The following NCKAP5 variants were observed in gnomAD, a reference collection of about 807,000 sequenced individuals.
The protein encoded by NCKAP5 is NCK associated protein 5.
Under a neutral mutation model 167.0 loss-of-function variants are expected in NCKAP5, and 92 were observed. The ratio of observed to expected loss-of-function variants is 0.55; its 90% CI spans 0.47 to 0.66. NCKAP5 has a LOEUF of 0.66. Among genes scored for constraint, NCKAP5 ranks in the 30% least tolerant of loss-of-function variants. The pLI is 0.00. For synonymous variants in NCKAP5, 891 were observed against 877.4 expected (o/e 1.02, Z -0.27); for missense variants, 2,378 against 2,315.0 (o/e 1.03, Z -0.56).
chr2:133,422,065 T>A (rs529086930), intron 3 of NCKAP5, among the ~76,000 whole-genome samples: 14 of 152,348 alleles, frequency 9.2e-5, no homozygotes, highest in South Asian at 8.3e-4. Flanking sequence ...ATGTGGTATG[T>A]GCTATTGTGC....
chr2:133,644,757 T>A, the NCKAP5 span, among the ~76,000 whole-genome samples: 5 of 152,184 alleles, frequency 3.3e-5, no homozygotes, highest in African/African-American at 4.8e-5. Context: ...ATTTACAATT[T>A]TTTTTCTCCT....
At chr2:132,762,843 G>A (rs971192906) in intron 16 of NCKAP5, among the ~76,000 whole-genome samples, 3 of 152,154 alleles carry the variant, frequency 2.0e-5, no homozygotes, top group Non-Finnish European at 2.9e-5. Context: ...GTGCCTTTCC[G>A]GAGATCACCT....
intron 4 of NCKAP5, among the ~76,000 whole-genome samples, chr2:133,240,473 G>T (rs975696439): frequency 2.6e-5 from 4 of 152,098 alleles, no homozygotes; most frequent in African/African-American, 9.7e-5. Context: ...CCCCAAAGTA[G>T]CTGCATAACT....
At position 132,732,011 on chromosome 2, in the gene NCKAP5, T is replaced by TCCGA; in HGVS notation, c.5165_5168dup (p.Thr1724ArgfsTer27). On this transcript the variant is annotated frameshift_variant, in exon 17 of 20. Transcript: ENST00000409261. LOFTEE classifies it high-confidence loss of function. Reference sequence around the variant, plus strand: ...TTCCCGAGTCTGGGAGTGGAAAGGTTCCGATCCCACTGTCCAATGTTCTCA... The same window carrying TCCGA: ...TTCCCGAGTCTGGGAGTGGAAAGGTTCCGACCGATCCCACTGTCCAATGTTCTCA... The TCCGA allele has an allele frequency of 6.2e-7, 1 of 1,613,714 alleles. No homozygotes were observed.
At chr2:133,664,014 T>C in the NCKAP5 span, among the ~76,000 whole-genome samples, 2 of 152,216 alleles carry the variant, frequency 1.3e-5, no homozygotes, top group Non-Finnish European at 2.9e-5. Flanking sequence ...GACTAGAAAG[T>C]TTAAATTACT....
At position 133,567,713 on chromosome 2, in the gene NCKAP5, T is replaced by C. The variant is rs138069083; in HGVS notation, c.-130+503A>G. 2.3e-3 allele frequency among the ~76,000 whole-genome samples: 259 copies of C among 114,692 alleles called. 8 individuals are homozygous for C. The East Asian group carries it at 0.056, about 25-fold the overall frequency. The allele number at this position is 114,692 out of a possible 152,430, so 75.2% of individuals were successfully genotyped here. A position where few individuals can be genotyped will look rare whatever the true frequency, so the allele number is the denominator to read the frequency against. ...TGTGTGTGTGTGTTTGGGGAGAGAG[T>C]GTAGGTAGGAGGGGACGAGAGACCA... On this transcript the variant is annotated intron_variant, in intron 1 of 19. Coordinates refer to ENST00000409261, the MANE Select transcript of NCKAP5 (RefSeq NM_207363.3).
rs1241990883 is a variant in NCKAP5, at chr2:133,526,086, AT to A, written c.-61-8500del. The stretch of plus-strand genomic sequence containing the variant: ...ATTAAGTAATATATATTCTATACCT[AT>A]TTTGTCCCAGGCCCTGTGTTAGGCC... On this transcript the variant is annotated intron_variant, in intron 2 of 19. Transcript: ENST00000409261. Among the ~76,000 whole-genome samples the A allele has an allele frequency of 2.0e-5, 3 of 151,750 alleles. No homozygotes were observed. In the East Asian group the frequency reaches 5.8e-4, roughly 29 times the overall value.
At chr2:132,816,921 A>C in intron 11 of NCKAP5, among the ~76,000 whole-genome samples, 1 of 152,212 alleles carries the variant, frequency 6.6e-6, no homozygotes, top group East Asian at 1.9e-4. Flanking sequence ...CAAAGATACA[A>C]ATAAATAAGA....
chr2:133,625,884 A>AG, the NCKAP5 span, among the ~76,000 whole-genome samples: 1 of 152,022 alleles, frequency 6.6e-6, no homozygotes, highest in African/African-American at 2.4e-5. Flanking sequence ...AAAAAAAAAA[A>AG]AAAGAATAAT....
chr2:132,959,654 G>T (rs2076452540), intron 8 of NCKAP5, among the ~76,000 whole-genome samples: 1 of 152,202 alleles, frequency 6.6e-6, no homozygotes, highest in Non-Finnish European at 1.5e-5. Context: ...ATGCCCAGGA[G>T]TAGGGAACAG....
intron 3 of NCKAP5, among the ~76,000 whole-genome samples, chr2:133,515,004 T>G (rs1385829305): frequency 6.6e-6 from 1 of 152,190 alleles, no homozygotes; most frequent in African/African-American, 2.4e-5. Context: ...TGTTGTTTTC[T>G]TGTATTTCAC....
At chr2:133,264,611 T>C (rs1165167096) in intron 4 of NCKAP5, among the ~76,000 whole-genome samples, 1 of 152,162 alleles carries the variant, frequency 6.6e-6, no homozygotes, top group Non-Finnish European at 1.5e-5. Context: ...CAAAGTAATG[T>C]CCATAGGCAA....
chr2:132,993,384 C>G (rs1358829201), intron 7 of NCKAP5, among the ~76,000 whole-genome samples: 1 of 152,162 alleles, frequency 6.6e-6, no homozygotes, highest in African/African-American at 2.4e-5. Flanking sequence ...GGACCATACT[C>G]AGATTAGATG....
At chr2:133,442,383 T>C (rs1465407847) in intron 3 of NCKAP5, among the ~76,000 whole-genome samples, 1 of 152,198 alleles carries the variant, frequency 6.6e-6, no homozygotes, top group African/African-American at 2.4e-5. Context: ...TGTGAGTCAT[T>C]GCTGAGACCC....
At chr2:132,988,334 C>T (rs183098356) in intron 7 of NCKAP5, among the ~76,000 whole-genome samples, 92 of 151,976 alleles carry the variant, frequency 6.1e-4, no homozygotes, top group Middle Eastern at 3.4e-3. Flanking sequence ...TGGTGGCACA[C>T]GACTGTAGGC....
chr2:133,435,364 C>A (rs1198796850), intron 3 of NCKAP5, among the ~76,000 whole-genome samples: 2 of 152,126 alleles, frequency 1.3e-5, no homozygotes, highest in Non-Finnish European at 2.9e-5. Flanking sequence ...TATCACTCAC[C>A]ACTGAAATGC....
the NCKAP5 span, among the ~76,000 whole-genome samples, chr2:133,628,377 T>C: frequency 6.6e-6 from 1 of 152,146 alleles, no homozygotes; most frequent in African/African-American, 2.4e-5. Context: ...AAATCATGAA[T>C]GAACTCCCAT....
intron 10 of NCKAP5, among the ~76,000 whole-genome samples, chr2:132,865,975 G>C (rs536270269): frequency 6.6e-6 from 1 of 152,262 alleles, no homozygotes; most frequent in East Asian, 1.9e-4. Context: ...AAGTGGACAC[G>C]GATGGTTCAA....
chr2:133,647,717 G>A, the NCKAP5 span, among the ~76,000 whole-genome samples: 504 of 94,082 alleles, frequency 5.4e-3, 7 homozygotes, highest in African/African-American at 0.034. Flanking sequence ...AAAAAGAAAG[G>A]AAGGAAGGAA....
Sources: gnomAD v4.1 joint callset for allele counts (sites outside exome capture counted in the v4.1 genomes callset) on GRCh38, gnomAD v4.1.1 for gene constraint, MANE v1.5 for transcripts, NCBI Gene and HGNC (gene_info 2026-07-23, HGNC 2026-07-21) for gene names.